The following C5 variants were observed in gnomAD, a reference collection of about 807,000 sequenced individuals.
The protein encoded by C5 is C3 and PZP-like alpha-2-macroglobulin domain-containing protein 4.
A neutral mutation model predicts 218.8 loss-of-function variants in C5; 140 were observed. The observed-to-expected ratio is 0.64, with a 90% CI of 0.56 to 0.74. The LOEUF is 0.74. Among genes scored for constraint, C5 ranks in the 30% least tolerant of loss-of-function variants. C5 has a pLI of 0.00. For synonymous variants in C5, 614 were observed against 682.3 expected (o/e 0.90, Z 1.56); for missense variants, 1,700 against 1,969.6 (o/e 0.86, Z 2.59).
At position 121,025,491 on chromosome 9, in the gene C5, CTTG is replaced by C. The variant is rs772444483; in HGVS notation, c.960_962del (p.Asn320del). The stretch of plus-strand genomic sequence containing the variant: ...TGACTGTTACAGCAATATAAAGGTA[CTTG>C]TTGTTTAAATCTTCTAAACTGTAGT... On this transcript the variant is annotated inframe_deletion, in exon 9 of 41. Transcript: ENST00000223642. 33 of 1,609,774 alleles carry C rather than the reference CTTG, an allele frequency of 2.0e-5. No homozygotes were observed. Among genetic ancestry groups the C allele is most frequent in the Middle Eastern group, 3.3e-4 (2 of 6,046 alleles).
At position 121,004,417 on chromosome 9, in the gene C5, A is replaced by G. The variant is rs535546935; in HGVS notation, c.2562+1502T>C. 2.0e-5 allele frequency among the ~76,000 whole-genome samples: 3 copies of G among 152,262 alleles called. No homozygotes were observed. In the South Asian group the frequency reaches 6.2e-4, roughly 32 times the overall value. ...ATTCATGCATAAAATATGTAACATT[A>G]GGGGAGTAAAATGGAAATATGAATT... On this transcript the variant is annotated intron_variant, in intron 20 of 40. Coordinates refer to ENST00000223642, the MANE Select transcript of C5 (RefSeq NM_001735.3).
At chr9:121,030,998 A>G (rs766405966) in intron 6 of C5, among the ~76,000 whole-genome samples, 12 of 152,088 alleles carry the variant, frequency 7.9e-5, no homozygotes, top group Non-Finnish European at 1.3e-4. Flanking sequence ...AACACTTAGA[A>G]GAAGGGAGAT....
the C5 span, among the ~76,000 whole-genome samples, chr9:121,061,899 G>C: frequency 6.6e-6 from 1 of 152,138 alleles, no homozygotes; most frequent in South Asian, 2.1e-4. Context: ...TTTGCTTTCT[G>C]AGGACAAGGA....
intron 31 of C5, among the ~76,000 whole-genome samples, chr9:120,970,590 A>G (rs1158330136): frequency 6.6e-6 from 1 of 152,202 alleles, no homozygotes; most frequent in African/African-American, 2.4e-5. Context: ...ACAACAGCAC[A>G]AGGCTAAGAA....
chr9:121,034,656 C>T (rs1382069692), intron 5 of C5, 147 bp downstream of exon 5: 3 of 594,592 alleles, frequency 5.0e-6, no homozygotes, highest in Admixed American at 3.1e-5. Flanking sequence ...AAGAACAGAG[C>T]TTAAGTTCTT....
intron 17 of C5, among the ~76,000 whole-genome samples, chr9:121,012,439 G>A (rs998170361): frequency 2.6e-5 from 4 of 151,970 alleles, no homozygotes; most frequent in Non-Finnish European, 2.9e-5. Flanking sequence ...GCTTGAACCC[G>A]GGAGGCGGAG....
chr9:121,039,435 T>A (rs1361200292), intron 3 of C5, among the ~76,000 whole-genome samples: 7 of 151,928 alleles, frequency 4.6e-5, no homozygotes, highest in Admixed American at 3.9e-4. Context: ...GGCCAAGAGT[T>A]CAAGCCCAGC....
At chr9:121,053,522 T>C (rs1381067108), upstream of C5, among the ~76,000 whole-genome samples, 1 of 151,640 alleles carries the variant, frequency 6.6e-6, no homozygotes, top group Non-Finnish European at 1.5e-5. Context: ...GAACACCAAA[T>C]AGAACAACTA....
At chr9:121,025,881 TCTCAGCGTACTTCCGCCCTTAA>T in intron 8 of C5, 1 of 296,420 alleles carries the variant, frequency 3.4e-6, no homozygotes, top group Admixed American at 4.7e-5. Flanking sequence ...TTTATAGGCC[TCTCAGCGTACTTCCGCCCTTAA>T]CTGAGAGTTT....
At chr9:121,007,189 A>G (rs938738555) in intron 18 of C5, among the ~76,000 whole-genome samples, 4 of 152,366 alleles carry the variant, frequency 2.6e-5, no homozygotes, top group African/African-American at 7.2e-5. Context: ...TTGCACCTCT[A>G]TGATGAGAAT....
chr9:121,020,014 T>C lies in C5; in HGVS notation c.1468A>G (p.Ser490Gly), dbSNP rs775727300. ...TGAGTTATTTTGTCAATATATGGGC[T>C]TTTGGGGGTAACAATAATATTCAGA... The part of the protein sequence containing the change: ...EHLNIIVTPK[S>G]PYIDKITHYN... Residue 490 changes from serine to glycine, a missense_variant, in exon 12 of 41, where the codon AGC (serine) becomes GGC (glycine). Physicochemically the swap from Ser to Gly is moderately conservative, Grantham distance 56. Coordinates refer to ENST00000223642, the MANE Select transcript of C5 (RefSeq NM_001735.3). 9.9e-6 allele frequency: 16 copies of C among 1,610,780 alleles called. No homozygotes were observed. Among genetic ancestry groups the C allele is most frequent in the Non-Finnish European group, 1.4e-5 (16 of 1,177,200 alleles).
the C5 span, among the ~76,000 whole-genome samples, chr9:121,066,081 G>A: frequency 6.6e-6 from 1 of 151,904 alleles, no homozygotes; most frequent in Non-Finnish European, 1.5e-5. Flanking sequence ...TTGGGAGGCC[G>A]AGGCAGGCAG....
chr9:121,061,136 G>A, the C5 span, among the ~76,000 whole-genome samples: 4 of 152,144 alleles, frequency 2.6e-5, no homozygotes, highest in East Asian at 3.9e-4. Flanking sequence ...TGTAGTGAGC[G>A]GAGATCGTGC....
At position 121,017,709 on chromosome 9, in the gene C5, C is replaced by T. The variant is rs748851604; in HGVS notation, c.1650G>A (p.Gln550=). ...CTGAATCAGACACTAATTCTGCTGT[C>T]TGTTCTCCTGTGACGATGTAATAGA... ...LLVYYIVTGE[Q]TAELVSDSVW... Residue 550 remains glutamine (Q), a synonymous_variant, in exon 13 of 41, where the codon CAG becomes CAA. Transcript: ENST00000223642. 3 of 1,613,746 alleles carry T rather than the reference C, an allele frequency of 1.9e-6. No individual in the cohort carries two copies. Among genetic ancestry groups the T allele is most frequent in the East Asian group, 2.2e-5 (1 of 44,878 alleles).
chr9:121,007,667 G>A (rs189980006), intron 18 of C5, among the ~76,000 whole-genome samples: 7 of 152,278 alleles, frequency 4.6e-5, no homozygotes, highest in Admixed American at 4.6e-4. Flanking sequence ...TTTTAATGTG[G>A]AAGACAGGAA....
At chr9:121,036,039 G>C (rs758359429) in intron 4 of C5, among the ~76,000 whole-genome samples, 11 of 151,922 alleles carry the variant, frequency 7.2e-5, no homozygotes, top group Non-Finnish European at 1.5e-4. Context: ...GACAGAGCAA[G>C]ACCCTGTCAA....
chr9:121,065,156 A>C, the C5 span, among the ~76,000 whole-genome samples: 12 of 152,124 alleles, frequency 7.9e-5, no homozygotes, highest in African/African-American at 2.7e-4. Context: ...GAATTAGCTG[A>C]AATCATCCCA....
chr9:120,989,129 G>C lies in C5; in HGVS notation c.3155-8C>G. On this transcript the variant is annotated splice_polypyrimidine_tract_variant and splice_region_variant and intron_variant, in intron 24 of 40. Coordinates refer to ENST00000223642, the MANE Select transcript of C5 (RefSeq NM_001735.3). ...ACATAATGCTCAACATCCCTAAGAA[G>C]CACAAGAAAAAGAACACGGTGCTTA... 1 of 1,610,472 alleles carries C rather than the reference G, an allele frequency of 6.2e-7. No homozygotes were observed. Among genetic ancestry groups the C allele is most frequent in the Non-Finnish European group, 8.5e-7 (1 of 1,176,746 alleles).
chr9:120,967,722 TC>T lies in C5; in HGVS notation c.4220+1338del, dbSNP rs549166350. On this transcript the variant is annotated intron_variant, in intron 33 of 40. Transcript: ENST00000223642. ...AAATACCTACATATTCTTTTCTTTT[TC>T]TTTTTTTTTTTATTTGGAGACAAGG... Among the ~76,000 whole-genome samples, 940 of 151,930 alleles carry T rather than the reference TC, an allele frequency of 6.2e-3. 12 individuals are homozygous for T. The highest frequency in any genetic ancestry group is 0.022 in the African/African-American group (909 of 41,346).
Sources: gnomAD v4.1 joint callset for allele counts (sites outside exome capture counted in the v4.1 genomes callset) on GRCh38, gnomAD v4.1.1 for gene constraint, MANE v1.5 for transcripts, NCBI Gene and HGNC (gene_info 2026-07-23, HGNC 2026-07-21) for gene names.